Variants in PPFIA1 observed in about 807,000 individuals in gnomAD.
PPFIA1 encodes liprin-alpha-1.
Under a neutral mutation model 149.9 loss-of-function variants are expected in PPFIA1, and 25 were observed. That is an observed-to-expected ratio of 0.17 (90% confidence interval 0.12 to 0.23). The LOEUF (loss-of-function observed/expected upper bound fraction) is 0.23. Ranked by LOEUF, PPFIA1 falls within the 10% of genes least tolerant of loss-of-function variation. The pLI is 1.00. For missense variants in PPFIA1, 1,362 were observed against 1,506.5 expected (o/e 0.90, Z 1.59); for synonymous variants, 549 against 552.8 (o/e 0.99, Z 0.10).
chr11:70,360,443 C>T (rs778858513), intron 19 of PPFIA1, among the ~76,000 whole-genome samples: 5 of 152,264 alleles, frequency 3.3e-5, no homozygotes, highest in African/African-American at 4.8e-5. Context: ...CAGTCAGATC[C>T]TCCCTGCGCC....
intron 1 of PPFIA1, 23 bp downstream of exon 1, chr11:70,270,937 C>T (rs2050031450): frequency 6.6e-6 from 1 of 151,614 alleles, no homozygotes; most frequent in Non-Finnish European, 1.5e-5. Context: ...GACACTGAGG[C>T]AGGCTCGGGG....
intron 17 of PPFIA1, 127 bp downstream of exon 17, chr11:70,354,579 G>C (rs575715134): frequency 9.4e-5 from 98 of 1,042,036 alleles, no homozygotes; most frequent in Non-Finnish European, 1.2e-4. Flanking sequence ...TCAGTTGAGT[G>C]TATTTACATG....
intron 2 of PPFIA1, chr11:70,283,926 G>A (rs188155062): frequency 6.1e-6 from 3 of 490,026 alleles, no homozygotes; most frequent in South Asian, 4.5e-5. Context: ...TGTTGGAAGT[G>A]TCCAGGTTTA....
In PPFIA1 at chr11:70,348,074, G is replaced by C. The variant is rs2055825236; in HGVS notation, c.1932-115G>C. 4 of 772,742 alleles carry C rather than the reference G, an allele frequency of 5.2e-6. No individual in the cohort carries two copies. The South Asian group carries it at 6.6e-5, about 13-fold the overall frequency. The allele number at this position is 772,742 out of a possible 1,614,324, so 47.9% of individuals were successfully genotyped here. On this transcript the variant is annotated intron_variant, in intron 15 of 27. Coordinates refer to ENST00000253925, the MANE Select transcript of PPFIA1 (RefSeq NM_003626.5). ...TGCTGAAGTGTTCATTGTTTGAGCAGCTTATTACTGGAGTTTACTCATAGT... is the reference window on the plus strand; with the variant it reads ...TGCTGAAGTGTTCATTGTTTGAGCACCTTATTACTGGAGTTTACTCATAGT...
At chr11:70,295,806 G>A (rs1253384185) in intron 2 of PPFIA1, among the ~76,000 whole-genome samples, 6 of 151,660 alleles carry the variant, frequency 4.0e-5, no homozygotes, top group African/African-American at 1.2e-4. Context: ...CCTCCTGGAC[G>A]GGGCGGCTGC....
At chr11:70,319,953 A>G (rs7932431) in intron 2 of PPFIA1, 2 of 151,998 alleles carry the variant, frequency 1.3e-5, no homozygotes, top group South Asian at 4.2e-4. Context: ...GATGGCTTCA[A>G]CTCAGCTCCC....
chr11:70,288,606 C>G (rs985911587), intron 2 of PPFIA1, among the ~76,000 whole-genome samples: 1 of 152,090 alleles, frequency 6.6e-6, no homozygotes. Context: ...GCTGTCCGTC[C>G]GTGTACAGTG....
chr11:70,342,290 G>C (rs185263665), intron 14 of PPFIA1: 1 of 152,414 alleles, frequency 6.6e-6, no homozygotes, highest in African/African-American at 2.4e-5. Flanking sequence ...CCTCAGAGAG[G>C]AGGAAGGCCG....
intron 2 of PPFIA1, among the ~76,000 whole-genome samples, chr11:70,285,905 A>G (rs2136144348): frequency 6.6e-6 from 1 of 152,282 alleles, no homozygotes; most frequent in East Asian, 1.9e-4. Flanking sequence ...TATTTAGCCC[A>G]CATTTTTTTC....
chr11:70,373,042 T>C (rs1224484809), intron 23 of PPFIA1, among the ~76,000 whole-genome samples: 1 of 152,156 alleles, frequency 6.6e-6, no homozygotes, highest in Non-Finnish European at 1.5e-5. Flanking sequence ...GCATTTCAGC[T>C]GGTCCTTGAA....
chr11:70,316,426 C>T (rs572431690), intron 2 of PPFIA1, among the ~76,000 whole-genome samples: 1 of 152,316 alleles, frequency 6.6e-6, no homozygotes, highest in Admixed American at 6.5e-5. Context: ...AGTTTTATTT[C>T]ATTTTCAGCA....
At chr11:70,279,041 G>A in intron 2 of PPFIA1, 1 of 531,704 alleles carries the variant, frequency 1.9e-6, no homozygotes, top group Non-Finnish European at 3.6e-6. Flanking sequence ...CAAGTTGCAA[G>A]TAATGAGGGG....
At chr11:70,352,480 C>T (rs1401140539) in intron 16 of PPFIA1, among the ~76,000 whole-genome samples, 2 of 152,100 alleles carry the variant, frequency 1.3e-5, no homozygotes, top group Admixed American at 6.5e-5. Flanking sequence ...TAACCTGGCC[C>T]TGTTGGTCAC....
chr11:70,279,081 G>A (rs1032538845), intron 2 of PPFIA1: 12 of 507,006 alleles, frequency 2.4e-5, no homozygotes, highest in Non-Finnish European at 3.7e-5. Context: ...GTCTTTTGAC[G>A]CATTTCTTGC....
intron 18 of PPFIA1, 52 bp from the exon 19 acceptor site, chr11:70,356,109 T>TA: frequency 7.2e-7 from 1 of 1,389,002 alleles, no homozygotes; most frequent in Non-Finnish European, 1.0e-6. Flanking sequence ...TATGAAAACA[T>TA]AGAGCTTTGT....
chr11:70,327,050 C>G (rs909218076), intron 7 of PPFIA1: 14 of 482,640 alleles, frequency 2.9e-5, no homozygotes, highest in African/African-American at 2.3e-4. Flanking sequence ...GAGAACTAGT[C>G]CCACTGACTG....
chr11:70,363,389 T>C (rs776254354), intron 21 of PPFIA1: 16 of 152,270 alleles, frequency 1.1e-4, no homozygotes, highest in Non-Finnish European at 7.3e-5. Context: ...TTTCACTTAA[T>C]GTTATGTCTG....
chr11:70,335,472 A>T (rs1021554905), intron 10 of PPFIA1, 91 bp from the exon 11 acceptor site: 1 of 1,481,310 alleles, frequency 6.8e-7, no homozygotes, highest in African/African-American at 1.4e-5. Flanking sequence ...GGGAGGGCAC[A>T]CATGGGGCTC....
chr11:70,294,411 C>T (rs2051751485), intron 2 of PPFIA1, among the ~76,000 whole-genome samples: 1 of 152,046 alleles, frequency 6.6e-6, no homozygotes, highest in African/African-American at 2.4e-5. Flanking sequence ...AAGGGATATG[C>T]CCACGTCCTT....
Sources: allele counts gnomAD v4.1 joint callset (sites outside exome capture counted in the v4.1 genomes callset), GRCh38; gene constraint gnomAD v4.1.1; transcripts MANE v1.5; gene names NCBI Gene and HGNC (gene_info 2026-07-23, HGNC 2026-07-21).